Variants in ZDHHC21 observed in about 807,000 individuals in gnomAD.
ZDHHC21 encodes the protein palmitoyltransferase ZDHHC21.
A neutral mutation model predicts 34.6 loss-of-function variants in ZDHHC21; 15 were observed. The ratio of observed to expected loss-of-function variants is 0.43; its 90% CI spans 0.29 to 0.67. ZDHHC21 has a LOEUF of 0.67. Ranked by LOEUF, ZDHHC21 falls within the 30% of genes least tolerant of loss-of-function variation. The pLI, the probability that ZDHHC21 is intolerant of heterozygous loss-of-function variation, is 0.14. For missense variants in ZDHHC21, 344 were observed against 327.7 expected, an observed-to-expected ratio of 1.05 and a Z score of -0.38; for synonymous variants, 142 against 101.8, an observed-to-expected ratio of 1.40 and a Z score of -2.38.
chr9:14,656,328 AAC>A (rs1832202282), intron 7 of ZDHHC21, among the ~76,000 whole-genome samples: 1 of 151,942 alleles, frequency 6.6e-6, no homozygotes, highest in African/African-American at 2.4e-5. Flanking sequence ...AGTGCTAATA[AAC>A]ATTCAATTTT....
chr9:14,618,761 C>T lies in ZDHHC21; in HGVS notation c.*205G>A. ...TGTGGAAAGCTAATTTGAAAGTAAA[C>T]ATGCTTTAAAACTTAAATATAGATC... is the stretch of plus-strand genomic sequence containing the variant. On this transcript the variant is annotated 3_prime_UTR_variant, in exon 10 of 10. Coordinates refer to ENST00000380916, the MANE Select transcript of ZDHHC21 (RefSeq NM_178566.6). The T allele has an allele frequency of 4.5e-6, 2 of 447,186 alleles. No individual in the cohort carries two copies. The highest frequency in any genetic ancestry group is 3.6e-6 in the Non-Finnish European group (1 of 274,290). The allele number at this position is 447,186 out of a possible 1,614,324, so 27.7% of individuals were successfully genotyped here.
intron 8 of ZDHHC21, chr9:14,622,714 T>C (rs990452769): frequency 4.1e-5 from 40 of 985,208 alleles, no homozygotes; most frequent in Non-Finnish European, 4.7e-5. Context: ...CATAAAGGAA[T>C]AAACAATCTG....
the ZDHHC21 span, among the ~76,000 whole-genome samples, chr9:14,600,733 C>T: frequency 1.3e-5 from 2 of 152,264 alleles, no homozygotes; most frequent in Admixed American, 1.3e-4. Flanking sequence ...AGGCATTATG[C>T]TACCTGACTT....
chr9:14,612,504 TAA>T lies in ZDHHC21; in HGVS notation c.*6460_*6461del. On this transcript the variant is annotated 3_prime_UTR_variant, in exon 10 of 10. Coordinates refer to ENST00000380916, the MANE Select transcript of ZDHHC21 (RefSeq NM_178566.6). The stretch of plus-strand genomic sequence containing the variant: ...AGGTGTTTTAAATTACGAGTACACT[TAA>T]AGGGTGTTTCTCTTCATTTTTGTAA... The T allele has an allele frequency of 6.6e-6, 1 of 152,066 alleles. No homozygotes were observed. Among genetic ancestry groups the T allele is most frequent in the African/African-American group, 2.4e-5 (1 of 41,538 alleles). The allele number at this position is 152,066 out of a possible 1,614,324, so 9.4% of individuals were successfully genotyped here.
chr9:14,682,050 T>C (rs998534066), intron 2 of ZDHHC21, among the ~76,000 whole-genome samples: 1 of 151,990 alleles, frequency 6.6e-6, no homozygotes, highest in Non-Finnish European at 1.5e-5. Context: ...GCATTAAACA[T>C]GGAAAGGAAC....
intron 8 of ZDHHC21, among the ~76,000 whole-genome samples, chr9:14,624,810 C>T (rs1163075803): frequency 1.3e-5 from 2 of 151,868 alleles, no homozygotes; most frequent in East Asian, 3.9e-4. Context: ...GATGTTCTCA[C>T]CACAAATAAA....
chr9:14,669,911 G>A (rs1424352411), intron 5 of ZDHHC21, among the ~76,000 whole-genome samples: 19 of 144,658 alleles, frequency 1.3e-4, no homozygotes, highest in African/African-American at 3.8e-4. Context: ...GCTAGATGAC[G>A]AGTTAGTGGG....
the ZDHHC21 span, among the ~76,000 whole-genome samples, chr9:14,596,027 C>A: frequency 7.2e-5 from 11 of 152,170 alleles, no homozygotes; most frequent in Non-Finnish European, 1.6e-4. Flanking sequence ...CTTATTAAAT[C>A]AAACATAAAC....
chr9:14,628,834 T>A (rs551685958), intron 8 of ZDHHC21, among the ~76,000 whole-genome samples: 3 of 152,332 alleles, frequency 2.0e-5, no homozygotes, highest in African/African-American at 7.2e-5. Context: ...AGTATTTAAG[T>A]GCTAATTTAA....
chr9:14,648,556 T>C (rs1830664255), intron 7 of ZDHHC21, among the ~76,000 whole-genome samples: 1 of 152,088 alleles, frequency 6.6e-6, no homozygotes, highest in South Asian at 2.1e-4. Context: ...CAGGTCTCTG[T>C]TCAAGCGTCA....
At chr9:14,682,464 G>C (rs1837556649) in intron 2 of ZDHHC21, among the ~76,000 whole-genome samples, 1 of 152,154 alleles carries the variant, frequency 6.6e-6, no homozygotes, top group African/African-American at 2.4e-5. Flanking sequence ...TAATGGTAAA[G>C]GGATCAACTC....
chr9:14,675,819 A>G (rs754727917), intron 3 of ZDHHC21, among the ~76,000 whole-genome samples: 3 of 152,024 alleles, frequency 2.0e-5, no homozygotes, highest in Non-Finnish European at 4.4e-5. Context: ...ACTTACTGTA[A>G]GAAGTGAAAC....
intron 8 of ZDHHC21, among the ~76,000 whole-genome samples, chr9:14,620,075 A>G (rs1463002192): frequency 6.6e-6 from 1 of 152,080 alleles, no homozygotes; most frequent in Non-Finnish European, 1.5e-5. Flanking sequence ...AAACTAATGA[A>G]CAGAAAACTG....
chr9:14,602,818 G>A, the ZDHHC21 span, among the ~76,000 whole-genome samples: 1 of 151,692 alleles, frequency 6.6e-6, no homozygotes, highest in Admixed American at 6.6e-5. Context: ...AGCCACTCGG[G>A]AGGCTGAGGC....
chr9:14,633,859 C>T (rs892726393), intron 8 of ZDHHC21, among the ~76,000 whole-genome samples: 1 of 152,188 alleles, frequency 6.6e-6, no homozygotes, highest in Non-Finnish European at 1.5e-5. Context: ...AAAGCAACCC[C>T]GTCCTCCCCA....
chr9:14,621,888 C>A (rs931036412), intron 8 of ZDHHC21, among the ~76,000 whole-genome samples: 1 of 151,834 alleles, frequency 6.6e-6, no homozygotes, highest in African/African-American at 2.4e-5. Flanking sequence ...TAAAAAAAAC[C>A]ACTAAAAAAT....
At chr9:14,630,850 G>A (rs925787774) in intron 8 of ZDHHC21, among the ~76,000 whole-genome samples, 3 of 152,196 alleles carry the variant, frequency 2.0e-5, no homozygotes, top group Non-Finnish European at 4.4e-5. Context: ...GTTCTCAATA[G>A]TGGGCTTAAA....
the ZDHHC21 span, among the ~76,000 whole-genome samples, chr9:14,603,378 A>T: frequency 6.6e-6 from 1 of 152,108 alleles, no homozygotes. Flanking sequence ...ATATAGGTAA[A>T]TCCTCCTGAA....
At chr9:14,673,166 T>G (rs1489452379) in intron 4 of ZDHHC21, among the ~76,000 whole-genome samples, 1 of 152,020 alleles carries the variant, frequency 6.6e-6, no homozygotes. Flanking sequence ...TGATAGTAAC[T>G]CAAAGTTCTT....
Sources: gnomAD v4.1 joint callset for allele counts (sites outside exome capture counted in the v4.1 genomes callset) on GRCh38, gnomAD v4.1.1 for gene constraint, MANE v1.5 for transcripts, NCBI Gene and HGNC (gene_info 2026-07-23, HGNC 2026-07-21) for gene names.